UGT3A1: variants seen among roughly 807,000 people sequenced by gnomAD.
The protein encoded by UGT3A1 is UDP glycosyltransferase family 3 member A1, also known as UDP-glycosyltransferase 3A1.
UGT3A1 carries 40 observed loss-of-function variants against 37.6 expected under a neutral mutation model. That is an observed-to-expected ratio of 1.06 (90% CI 0.83 to 1.38). The LOEUF (loss-of-function observed/expected upper bound fraction) is 1.38, where lower values mean the gene tolerates loss of function less well. Ranked by LOEUF, UGT3A1 falls within the 40% of genes most tolerant of loss-of-function variation. The pLI, the probability that UGT3A1 is intolerant of heterozygous loss-of-function variation, is 0.00. For missense variants in UGT3A1, 642 were observed against 634.2 expected (o/e 1.01, Z -0.13); for synonymous variants, 256 against 232.3 (o/e 1.10, Z -0.93).
At chr5:35,992,200 A>G (rs955592931), upstream of UGT3A1, among the ~76,000 whole-genome samples, 1 of 152,216 alleles carries the variant, frequency 6.6e-6, no homozygotes, top group Admixed American at 6.5e-5. Context: ...TCTTGCCTTC[A>G]GTCTACAGGT....
At chr5:35,994,392 T>C (rs76422650), upstream of UGT3A1, among the ~76,000 whole-genome samples, 1,212 of 149,102 alleles carry the variant, frequency 8.1e-3, 27 homozygotes, top group African/African-American at 0.029. Flanking sequence ...CTTTCCCCTA[T>C]CAGGTTTGAC....
intron 2 of UGT3A1, among the ~76,000 whole-genome samples, chr5:35,996,978 A>G (rs997354750): frequency 6.6e-6 from 1 of 152,130 alleles, no homozygotes; most frequent in Non-Finnish European, 1.5e-5. Flanking sequence ...GTAGAGAAAA[A>G]CCCAAAGAAA....
chr5:35,993,830 A>C (rs918062656), upstream of UGT3A1, among the ~76,000 whole-genome samples: 1 of 152,136 alleles, frequency 6.6e-6, no homozygotes, highest in South Asian at 2.1e-4. Flanking sequence ...GAAGTCCAGG[A>C]TCTCTTTCCT....
intron 2 of UGT3A1, among the ~76,000 whole-genome samples, chr5:35,983,550 G>A (rs73076171): frequency 0.058 from 8,845 of 151,790 alleles, 855 homozygotes; most frequent in African/African-American, 0.2. Flanking sequence ...ATTCTATAGG[G>A]CCAGCCATAC....
upstream of UGT3A1, among the ~76,000 whole-genome samples, chr5:35,991,837 T>C (rs1369296970): frequency 6.6e-6 from 1 of 152,158 alleles, no homozygotes; most frequent in Admixed American, 6.5e-5. Flanking sequence ...ATAACATTCA[T>C]GAAGAGGAGC....
At chr5:35,963,012 G>A (rs577122737) in intron 4 of UGT3A1, 1 of 694,620 alleles carries the variant, frequency 1.4e-6, no homozygotes, top group Admixed American at 2.0e-5. Flanking sequence ...TGAAAACTCA[G>A]GGTGTGAGGG....
chr5:35,965,361 A>G (rs1580927829), intron 4 of UGT3A1, 25 bp downstream of exon 4: 8 of 1,605,526 alleles, frequency 5.0e-6, no homozygotes, highest in East Asian at 2.2e-5. Flanking sequence ...GTGAATCCCA[A>G]ACTGAATGCT....
intron 2 of UGT3A1, among the ~76,000 whole-genome samples, chr5:35,982,940 C>A (rs372477278): frequency 1.2e-4 from 18 of 152,252 alleles, no homozygotes; most frequent in African/African-American, 4.3e-4. Flanking sequence ...AAATGTGTAG[C>A]ACCTCCTCCC....
At chr5:35,972,572 G>A (rs745903270) in intron 2 of UGT3A1, among the ~76,000 whole-genome samples, 2 of 146,726 alleles carry the variant, frequency 1.4e-5, no homozygotes, top group African/African-American at 2.5e-5. Flanking sequence ...TAGGATTCTG[G>A]TTTCCTAGGA....
Position 35,957,198 on chromosome 5 carries a change from A to T in UGT3A1, c.1065T>A (p.Ser355Arg), listed in dbSNP as rs779852040. The part of the protein sequence containing the change: ...NVKIVDWLPQ[S>R]DLLAHPSIRL... Reference sequence around the variant, plus strand: ...CTAAGCAGTCCTTACCCAGGAGGTCACTCTGAGGAAGCCAGTCCACAATTT... The same window carrying T: ...CTAAGCAGTCCTTACCCAGGAGGTCTCTCTGAGGAAGCCAGTCCACAATTT... The change falls in exon 5 of 7, where the codon AGT becomes AGA. Residue 355 changes from serine (S) to arginine (R), a missense_variant. Transcript: ENST00000274278. 1.3e-5 allele frequency: 21 copies of T among 1,614,016 alleles called. 1 individual carries two copies. In the Middle Eastern group the frequency reaches 5.0e-4, roughly 38 times the overall value.
chr5:35,993,718 G>T (rs1741023071), upstream of UGT3A1, among the ~76,000 whole-genome samples: 1 of 152,064 alleles, frequency 6.6e-6, no homozygotes, highest in South Asian at 2.1e-4. Flanking sequence ...TAGTAACCAT[G>T]GAGGGATCCT....
At chr5:35,975,246 C>G (rs1740215988) in intron 2 of UGT3A1, among the ~76,000 whole-genome samples, 1 of 152,196 alleles carries the variant, frequency 6.6e-6, no homozygotes, top group African/African-American at 2.4e-5. Context: ...CTTCCACTCA[C>G]CAAGTTGACC....
rs779738865 is a variant in UGT3A1, at chr5:35,965,466, A to C, written c.763T>G (p.Phe255Val). 6.2e-7 allele frequency: 1 copy of C among 1,614,240 alleles called. No homozygotes were observed. The highest frequency in any genetic ancestry group is 1.1e-5 in the South Asian group (1 of 91,086). ...GGAAGCAGGGGCCGGGCAAAATCAA[A>C]GGCAAAATCAGAGTTAACAAACCAC... is the stretch of plus-strand genomic sequence containing the variant. Reference protein sequence around the residue: ...ELWFVNSDFAFDFARPLLPNT... With the variant: ...ELWFVNSDFAVDFARPLLPNT... Residue 255 changes from phenylalanine to valine, a missense_variant, in exon 4 of 7, where the codon TTT becomes GTT. Phe to Val is a conservative substitution (Grantham distance 50). Transcript: ENST00000274278.
chr5:35,977,696 T>TGAGTCAAAGAAATTATAAA (rs1172637884), intron 2 of UGT3A1, among the ~76,000 whole-genome samples: 2 of 152,250 alleles, frequency 1.3e-5, no homozygotes, highest in African/African-American at 4.8e-5. Context: ...AATAAACCTC[T>TGAGTCAAAGAAATTATAAA]TTTCTTTATA....
chr5:35,994,333 TTGTG>T (rs35026618), upstream of UGT3A1, among the ~76,000 whole-genome samples: 3,967 of 138,584 alleles, frequency 0.029, 101 homozygotes, highest in East Asian at 0.077. Flanking sequence ...TTTGTTTTGT[TTGTG>T]TGTGTGTGTG....
At chr5:35,996,179 G>A (rs1741091446), upstream of UGT3A1, among the ~76,000 whole-genome samples, 1 of 152,112 alleles carries the variant, frequency 6.6e-6, no homozygotes, top group Admixed American at 6.5e-5. Context: ...AAAAGACGAG[G>A]ATACCTTAAG....
At chr5:35,973,460 T>C (rs1402996816) in intron 2 of UGT3A1, among the ~76,000 whole-genome samples, 3 of 152,084 alleles carry the variant, frequency 2.0e-5, no homozygotes, top group Non-Finnish European at 4.4e-5. Context: ...TGTAGCCCAA[T>C]AGGTTAAAGG....
intron 2 of UGT3A1, among the ~76,000 whole-genome samples, chr5:35,984,356 A>G (rs1740645351): frequency 6.6e-6 from 1 of 152,104 alleles, no homozygotes; most frequent in Non-Finnish European, 1.5e-5. Context: ...TAGTTATGTG[A>G]TACTTAACTG....
At chr5:35,989,554 A>C (rs1225462204) in intron 1 of UGT3A1, among the ~76,000 whole-genome samples, 1 of 152,252 alleles carries the variant, frequency 6.6e-6, no homozygotes. Context: ...TGTATAAAGT[A>C]CAAATCTGCA....
Sources: allele counts gnomAD v4.1 joint callset (sites outside exome capture counted in the v4.1 genomes callset), GRCh38; gene constraint gnomAD v4.1.1; transcripts MANE v1.5; gene names NCBI Gene and HGNC (gene_info 2026-07-23, HGNC 2026-07-21).